The following ECT2L variants were observed in gnomAD, a reference collection of about 807,000 sequenced individuals.
The protein encoded by ECT2L is epithelial cell-transforming sequence 2 oncogene-like.
In ECT2L, 126 loss-of-function variants were observed where a neutral mutation model predicts 122.8. That is an observed-to-expected ratio of 1.03 (90% CI 0.89 to 1.19). The LOEUF (loss-of-function observed/expected upper bound fraction) is 1.19, where lower values mean the gene tolerates loss of function less well. Among genes scored for constraint, ECT2L ranks in the 50% most tolerant of loss-of-function variants. The pLI is 0.00. For missense variants in ECT2L, 1,012 were observed against 1,064.1 expected, an observed-to-expected ratio of 0.95 and a Z score of 0.68; for synonymous variants, 385 against 381.8, an observed-to-expected ratio of 1.01 and a Z score of -0.10.
At chr6:138,808,731 T>G (rs1016397680) in intron 1 of ECT2L, among the ~76,000 whole-genome samples, 1 of 144,090 alleles carries the variant, frequency 6.9e-6, no homozygotes, top group African/African-American at 2.6e-5. Context: ...TCTCTTTTCT[T>G]TTTTTTTTTT....
intron 1 of ECT2L, among the ~76,000 whole-genome samples, chr6:138,806,309 G>A (rs542402147): frequency 6.6e-6 from 1 of 152,080 alleles, no homozygotes; most frequent in South Asian, 2.1e-4. Context: ...TGTGGGCTTT[G>A]TATATATGTA....
At chr6:138,826,416 G>A (rs532585153) in intron 4 of ECT2L, among the ~76,000 whole-genome samples, 8 of 152,198 alleles carry the variant, frequency 5.3e-5, no homozygotes, top group African/African-American at 1.7e-4. Context: ...GACCAAGCAC[G>A]ATGGCTCATA....
intron 10 of ECT2L, among the ~76,000 whole-genome samples, chr6:138,856,116 C>T (rs1474774480): frequency 6.9e-6 from 1 of 145,228 alleles, no homozygotes; most frequent in Non-Finnish European, 1.5e-5. Flanking sequence ...GGCTTGTCAG[C>T]CCAGTGGCTG....
Position 138,814,608 on chromosome 6 carries a change from A to G in ECT2L, c.179+5A>G. Reference sequence around the variant, plus strand: ...ATGCACTAAATCACAATTAAGGTAAATGTAGCCTAATGATGTAATTAACAT... The same window carrying G: ...ATGCACTAAATCACAATTAAGGTAAGTGTAGCCTAATGATGTAATTAACAT... On this transcript the variant is annotated splice_donor_5th_base_variant and intron_variant, in intron 4 of 21. Transcript: ENST00000541398. The G allele has an allele frequency of 2.0e-6, 3 of 1,502,544 alleles. No homozygotes were observed. The highest frequency in any genetic ancestry group is 2.3e-5 in the East Asian group (1 of 44,266). The allele number at this position is 1,502,544 out of a possible 1,614,324, so 93.1% of individuals were successfully genotyped here.
chr6:138,876,097 C>A (rs186952008), intron 13 of ECT2L, among the ~76,000 whole-genome samples: 1 of 149,496 alleles, frequency 6.7e-6, no homozygotes, highest in African/African-American at 2.5e-5. Flanking sequence ...CCAGCCTGGG[C>A]GAGAGTGAGA....
chr6:138,860,443 G>A (rs1452085070), intron 10 of ECT2L, among the ~76,000 whole-genome samples: 1 of 151,566 alleles, frequency 6.6e-6, no homozygotes, highest in Non-Finnish European at 1.5e-5. Context: ...GAAATCTATT[G>A]ACTATGTATG....
At chr6:138,836,289 CTT>C (rs138141444) in intron 4 of ECT2L, among the ~76,000 whole-genome samples, 4,983 of 123,616 alleles carry the variant, frequency 0.04, 71 homozygotes, top group African/African-American at 0.077. Flanking sequence ...ATTCATTAAT[CTT>C]TTTTTTTTTT....
chr6:138,832,182 CTG>C (rs1362706611), intron 4 of ECT2L, among the ~76,000 whole-genome samples: 19 of 125,874 alleles, frequency 1.5e-4, no homozygotes, highest in African/African-American at 5.5e-4. Flanking sequence ...CTTCAAATGT[CTG>C]TTTTTTTTTT....
At chr6:138,864,505 A>G (rs1366425039) in intron 11 of ECT2L, among the ~76,000 whole-genome samples, 1 of 152,252 alleles carries the variant, frequency 6.6e-6, no homozygotes, top group African/African-American at 2.4e-5. Flanking sequence ...TCCTGTAGAC[A>G]GATTTGTAGA....
At chr6:138,854,266 A>G in intron 10 of ECT2L, 112 bp downstream of exon 10, 1 of 1,300,686 alleles carries the variant, frequency 7.7e-7, no homozygotes, top group Admixed American at 2.4e-5. Context: ...TTCACGCTTC[A>G]ATTTCTTTTT....
intron 14 of ECT2L, 88 bp downstream of exon 14, chr6:138,876,646 C>A (rs1582646848): frequency 5.3e-6 from 4 of 761,488 alleles, no homozygotes; most frequent in Non-Finnish European, 7.9e-6. Flanking sequence ...CTTCATTTTC[C>A]TTGAAAATTT....
At chr6:138,889,978 A>G (rs1208925551) in intron 20 of ECT2L, among the ~76,000 whole-genome samples, 1 of 152,220 alleles carries the variant, frequency 6.6e-6, no homozygotes, top group East Asian at 1.9e-4. Context: ...GACACAACAC[A>G]TAACAAGTAA....
intron 9 of ECT2L, among the ~76,000 whole-genome samples, chr6:138,852,965 G>A (rs1040165735): frequency 1.4e-4 from 21 of 151,990 alleles, no homozygotes; most frequent in African/African-American, 4.1e-4. Flanking sequence ...TTGTTTGTTT[G>A]TTTATTTTTT....
At chr6:138,852,744 A>C (rs1475065190) in intron 9 of ECT2L, among the ~76,000 whole-genome samples, 1 of 152,146 alleles carries the variant, frequency 6.6e-6, no homozygotes, top group African/African-American at 2.4e-5. Flanking sequence ...TGTCCTCCCA[A>C]AGTAAAGCAC....
rs368116476 is a variant in ECT2L, at chr6:138,881,105, C to G, written c.1814C>G (p.Ala605Gly). The part of the protein sequence containing the change: ...PLKAALSSNR[A>G]ILSAANIQII... ...AAAGCAGCATTGTCATCAAACAGAG[C>G]GATTCTGAGTGCTGCCAATATCCAG... The change falls in exon 15 of 22, where the codon GCG (alanine) becomes GGG (glycine). Residue 605 changes from alanine to glycine, a missense_variant. Transcript: ENST00000541398. The G allele has an allele frequency of 1.4e-4, 221 of 1,614,080 alleles. No individual in the cohort carries two copies. Among genetic ancestry groups the G allele is most frequent in the Non-Finnish European group, 1.8e-4 (216 of 1,180,004 alleles).
intron 13 of ECT2L, among the ~76,000 whole-genome samples, chr6:138,875,932 C>T (rs1778433684): frequency 6.6e-6 from 1 of 152,092 alleles, no homozygotes; most frequent in Admixed American, 6.6e-5. Context: ...ACCAGCCTGG[C>T]CAACATGGTG....
chr6:138,898,717 T>C (rs1025094627), intron 20 of ECT2L, among the ~76,000 whole-genome samples: 2 of 152,196 alleles, frequency 1.3e-5, no homozygotes, highest in Non-Finnish European at 2.9e-5. Flanking sequence ...AAGTGAGTTA[T>C]AAATATGAAT....
At chr6:138,809,062 T>C (rs983742013) in intron 1 of ECT2L, among the ~76,000 whole-genome samples, 7 of 152,190 alleles carry the variant, frequency 4.6e-5, no homozygotes, top group Non-Finnish European at 1.0e-4. Context: ...CATTTTATTT[T>C]ATTGGTTTAT....
Position 138,881,161 on chromosome 6 carries a change from A to G in ECT2L, c.1870A>G (p.Ser624Gly). 6.2e-7 allele frequency: 1 copy of G among 1,613,880 alleles called. No individual in the cohort carries two copies. Among genetic ancestry groups the G allele is most frequent in the South Asian group, 1.1e-5 (1 of 91,050 alleles). ...TTTCTGTGACATTCTACAGATTTTA[A>G]GTCTCAACAGGTAAACCCTGAATAT... ...IIFCDILQIL[S>G]LNRQFLDNLR... The change falls in exon 15 of 22, where the codon AGT becomes GGT. Residue 624 changes from serine to glycine, a missense_variant. Transcript: ENST00000541398.
Sources: allele counts gnomAD v4.1 joint callset (sites outside exome capture counted in the v4.1 genomes callset), GRCh38; gene constraint gnomAD v4.1.1; transcripts MANE v1.5; gene names NCBI Gene and HGNC (gene_info 2026-07-23, HGNC 2026-07-21).